LSM1: variants seen among roughly 807,000 people sequenced by gnomAD.
LSM1 encodes the protein U6 snRNA-associated Sm-like protein LSm1.
LSM1 carries 13 observed loss-of-function variants against 18.0 expected under a neutral mutation model. The observed-to-expected ratio is 0.72, with a 90% CI of 0.47 to 1.15. The LOEUF (loss-of-function observed/expected upper bound fraction) is 1.15, where lower values mean the gene tolerates loss of function less well. Among genes scored for constraint, LSM1 ranks in the 50% most tolerant of loss-of-function variants. LSM1 has a pLI of 0.00. For synonymous variants in LSM1, 46 were observed against 56.0 expected (o/e 0.82, Z 0.80); for missense variants, 152 against 157.7 (o/e 0.96, Z 0.19).
intron 1 of LSM1, among the ~76,000 whole-genome samples, chr8:38,175,076 A>T (rs1302857930): frequency 1.3e-5 from 2 of 148,196 alleles, no homozygotes; most frequent in Non-Finnish European, 3.0e-5. Context: ...TGTCAACCAT[A>T]AAATGATTTT....
chr8:38,171,942 G>T (rs774628782), intron 2 of LSM1, 23 bp downstream of exon 2: 8 of 1,527,742 alleles, frequency 5.2e-6, no homozygotes, highest in Non-Finnish European at 7.2e-6. Flanking sequence ...GAGTATAAGA[G>T]ATGTCCATAA....
intron 3 of LSM1, among the ~76,000 whole-genome samples, chr8:38,168,577 G>T (rs1168577310): frequency 7.2e-6 from 1 of 139,322 alleles, no homozygotes; most frequent in Non-Finnish European, 1.5e-5. Flanking sequence ...GGCAACAGGA[G>T]CAAAACTCTG....
At chr8:38,164,501 A>C (rs958326392) in intron 3 of LSM1, among the ~76,000 whole-genome samples, 13 of 151,204 alleles carry the variant, frequency 8.6e-5, no homozygotes, top group African/African-American at 3.2e-4. Context: ...TATTGAGGCA[A>C]TGTGGCCTTA....
At chr8:38,176,675 C>T, upstream of LSM1, 1 of 651,994 alleles carries the variant, frequency 1.5e-6, no homozygotes, top group Non-Finnish European at 2.4e-6. Flanking sequence ...CTCCGGGTTC[C>T]CGAGACCCCA....
intron 2 of LSM1, among the ~76,000 whole-genome samples, 187 bp downstream of exon 2, chr8:38,171,778 A>C (rs1401079360): frequency 2.6e-5 from 4 of 152,236 alleles, no homozygotes; most frequent in Admixed American, 2.6e-4. Context: ...CGAGCTTGGA[A>C]ATATATATAA....
intron 3 of LSM1, among the ~76,000 whole-genome samples, chr8:38,167,603 T>C (rs1802956276): frequency 6.6e-6 from 1 of 152,180 alleles, no homozygotes; most frequent in Non-Finnish European, 1.5e-5. Context: ...CCTCCCAAAG[T>C]ACTGGGATTA....
chr8:38,167,490 G>A (rs1482900135), intron 3 of LSM1, among the ~76,000 whole-genome samples: 1 of 151,908 alleles, frequency 6.6e-6, no homozygotes, highest in Non-Finnish European at 1.5e-5. Flanking sequence ...CTGGTGATGT[G>A]CACCATCACC....
intron 1 of LSM1, among the ~76,000 whole-genome samples, chr8:38,173,380 G>A (rs923866752): frequency 6.6e-6 from 1 of 151,958 alleles, no homozygotes; most frequent in Non-Finnish European, 1.5e-5. Flanking sequence ...AGGGGGCGGG[G>A]GGGGAGAAGG....
intron 3 of LSM1, chr8:38,166,194 A>G (rs545148613): frequency 6.6e-6 from 1 of 152,252 alleles, no homozygotes; most frequent in African/African-American, 2.4e-5. Context: ...ACAGCTCACC[A>G]TGATCTGAAA....
intron 2 of LSM1, 34 bp downstream of exon 2, chr8:38,171,931 A>T (rs769315257): frequency 7.6e-6 from 11 of 1,444,656 alleles, no homozygotes; most frequent in Non-Finnish European, 1.1e-5. Flanking sequence ...GTTATTATCC[A>T]GAGTATAAGA....
At chr8:38,172,749 TTCTA>T (rs912477914) in intron 1 of LSM1, among the ~76,000 whole-genome samples, 33 of 152,342 alleles carry the variant, frequency 2.2e-4, no homozygotes, top group African/African-American at 7.5e-4. Flanking sequence ...AAAGATGAGC[TTCTA>T]TCTCACATTT....
At chr8:38,167,214 C>T (rs1802947875) in intron 3 of LSM1, among the ~76,000 whole-genome samples, 2 of 152,218 alleles carry the variant, frequency 1.3e-5, no homozygotes, top group Non-Finnish European at 1.5e-5. Context: ...AACAATTAAA[C>T]TTCAAGAACA....
chr8:38,176,489 A>G lies in LSM1; in HGVS notation c.-169T>C. 2 of 615,228 alleles carry G rather than the reference A, an allele frequency of 3.3e-6. No individual in the cohort carries two copies. Among genetic ancestry groups the G allele is most frequent in the East Asian group, 2.8e-5 (1 of 36,180 alleles). The allele number at this position is 615,228 out of a possible 1,614,324, so 38.1% of individuals were successfully genotyped here. Reference sequence around the variant, plus strand: ...GCCGGGGGCTGCCGGAAGCTCCTCCATATTACCCTTACCCACTTCCTGTAA... The same window carrying G: ...GCCGGGGGCTGCCGGAAGCTCCTCCGTATTACCCTTACCCACTTCCTGTAA... On this transcript the variant is annotated 5_prime_UTR_variant, in exon 1 of 4. The change abolishes an upstream ATG in the 5' untranslated region. Coordinates refer to ENST00000311351, the MANE Select transcript of LSM1 (RefSeq NM_014462.3).
chr8:38,175,040 A>AAG (rs1803102094), intron 1 of LSM1, among the ~76,000 whole-genome samples: 1 of 147,570 alleles, frequency 6.8e-6, no homozygotes, highest in African/African-American at 2.6e-5. Flanking sequence ...AAAAAAAAAA[A>AAG]AAAAGAAAAG....
intron 1 of LSM1, among the ~76,000 whole-genome samples, chr8:38,172,832 T>C (rs572503802): frequency 6.6e-6 from 1 of 152,290 alleles, no homozygotes; most frequent in African/African-American, 2.4e-5. Context: ...AGACTAATAA[T>C]AAGCTAGAGC....
intron 3 of LSM1, among the ~76,000 whole-genome samples, chr8:38,167,513 T>C (rs1802954689): frequency 6.6e-6 from 1 of 152,098 alleles, no homozygotes; most frequent in South Asian, 2.1e-4. Context: ...TGGCTAATTT[T>C]TGTATTTTTT....
intron 1 of LSM1, among the ~76,000 whole-genome samples, chr8:38,175,251 A>T (rs1053348296): frequency 6.6e-6 from 1 of 151,792 alleles, no homozygotes; most frequent in African/African-American, 2.4e-5. Context: ...AGCTAATTGT[A>T]GGAACGGGGT....
intron 1 of LSM1, among the ~76,000 whole-genome samples, chr8:38,173,833 G>A (rs1482258267): frequency 1.3e-5 from 2 of 152,134 alleles, no homozygotes; most frequent in African/African-American, 2.4e-5. Context: ...CTACAAAGAG[G>A]TGATATAAAA....
chr8:38,165,488 A>ATT (rs1802913377), intron 3 of LSM1, among the ~76,000 whole-genome samples: 1 of 152,074 alleles, frequency 6.6e-6, no homozygotes, highest in African/African-American at 2.4e-5. Flanking sequence ...GAGGATTAAC[A>ATT]TTTTGATAAT....
Sources: allele counts gnomAD v4.1 joint callset (sites outside exome capture counted in the v4.1 genomes callset), GRCh38; gene constraint gnomAD v4.1.1; transcripts MANE v1.5; gene names NCBI Gene and HGNC (gene_info 2026-07-23, HGNC 2026-07-21).